The following CDH11 variants were observed in gnomAD, a reference collection of about 807,000 sequenced individuals.
The protein encoded by CDH11 is cadherin 11, also known as cadherin-11.
A neutral mutation model predicts 67.8 loss-of-function variants in CDH11; 11 were observed. That is an observed-to-expected ratio of 0.16 (90% CI 0.10 to 0.27). The LOEUF is 0.27. Ranked by LOEUF, CDH11 falls within the 10% of genes least tolerant of loss-of-function variation. CDH11 has a pLI of 1.00. For synonymous variants in CDH11, 419 were observed against 400.0 expected, an observed-to-expected ratio of 1.05 and a Z score of -0.57; for missense variants, 847 against 1,031.2, an observed-to-expected ratio of 0.82 and a Z score of 2.45.
intron 8 of CDH11, among the ~76,000 whole-genome samples, chr16:64,978,258 T>G (rs2072233670): frequency 6.6e-6 from 1 of 152,162 alleles, no homozygotes; most frequent in African/African-American, 2.4e-5. Context: ...TTGTTAGACA[T>G]CGAATTTGGG....
At chr16:64,971,897 T>G (rs770816733) in intron 10 of CDH11, 34 bp downstream of exon 10, 1 of 1,611,482 alleles carries the variant, frequency 6.2e-7, no homozygotes. Context: ...CCAAGTGCAT[T>G]GTTCCTAGCC....
intron 2 of CDH11, among the ~76,000 whole-genome samples, chr16:65,021,455 A>G (rs555787130): frequency 7.2e-5 from 11 of 152,168 alleles, no homozygotes; most frequent in Non-Finnish European, 2.9e-5. Flanking sequence ...AGAAGACAAA[A>G]GGGAGAAAAA....
At chr16:64,978,107 T>C (rs1320274580) in intron 8 of CDH11, among the ~76,000 whole-genome samples, 1 of 152,202 alleles carries the variant, frequency 6.6e-6, no homozygotes, top group Non-Finnish European at 1.5e-5. Flanking sequence ...CCCCAGTGTG[T>C]GCTCAATGAA....
At chr16:64,989,507 A>G (rs2072577449) in intron 6 of CDH11, among the ~76,000 whole-genome samples, 1 of 152,190 alleles carries the variant, frequency 6.6e-6, no homozygotes. Context: ...GCAGGATAAA[A>G]ACTACCAGCC....
At chr16:65,035,409 T>G (rs1180019828) in intron 2 of CDH11, among the ~76,000 whole-genome samples, 4 of 152,210 alleles carry the variant, frequency 2.6e-5, no homozygotes, top group Non-Finnish European at 4.4e-5. Flanking sequence ...AGTGGAAGTA[T>G]AGCCTGTCAC....
At chr16:64,964,643 G>A (rs1055868089) in intron 11 of CDH11, among the ~76,000 whole-genome samples, 24 of 152,052 alleles carry the variant, frequency 1.6e-4, no homozygotes, top group Non-Finnish European at 3.4e-4. Context: ...CCGCCTCCCG[G>A]GTTCACGTCA....
chr16:64,976,045 G>A (rs1349669014), intron 8 of CDH11, among the ~76,000 whole-genome samples: 2 of 152,112 alleles, frequency 1.3e-5, no homozygotes, highest in Non-Finnish European at 2.9e-5. Context: ...ATAATTACAA[G>A]ATCAAAAATA....
intron 1 of CDH11, among the ~76,000 whole-genome samples, chr16:65,096,109 T>C (rs193175443): frequency 3.5e-4 from 54 of 152,320 alleles, no homozygotes; most frequent in African/African-American, 1.2e-3. Flanking sequence ...TCAGATTGAA[T>C]ACATAATTCG....
chr16:65,115,501 A>C (rs1464462993), intron 1 of CDH11, among the ~76,000 whole-genome samples: 1 of 152,120 alleles, frequency 6.6e-6, no homozygotes, highest in South Asian at 2.1e-4. Context: ...CAACCCCAGC[A>C]CACACTGAAG....
At chr16:65,032,215 C>T (rs965400313) in intron 2 of CDH11, among the ~76,000 whole-genome samples, 2 of 151,382 alleles carry the variant, frequency 1.3e-5, no homozygotes, top group Admixed American at 6.6e-5. Flanking sequence ...AGAGTGGCAC[C>T]GTGGTTCATG....
intron 2 of CDH11, among the ~76,000 whole-genome samples, chr16:65,039,217 C>T (rs1029585647): frequency 6.6e-6 from 1 of 152,162 alleles, no homozygotes; most frequent in African/African-American, 2.4e-5. Flanking sequence ...TGTGTCTATT[C>T]TAATGAATTA....
At chr16:64,983,433 T>C (rs2072406774) in intron 7 of CDH11, among the ~76,000 whole-genome samples, 1 of 152,192 alleles carries the variant, frequency 6.6e-6, no homozygotes, top group South Asian at 2.1e-4. Flanking sequence ...ACCAAATGTT[T>C]GGAAAGAGTT....
chr16:64,995,314 G>A (rs185412258), intron 4 of CDH11, among the ~76,000 whole-genome samples: 1 of 152,170 alleles, frequency 6.6e-6, no homozygotes, highest in Admixed American at 6.5e-5. Flanking sequence ...AAAAAAGTTG[G>A]AGGAGTCACC....
chr16:65,017,339 T>C (rs1320816117), intron 2 of CDH11, among the ~76,000 whole-genome samples: 2 of 152,166 alleles, frequency 1.3e-5, no homozygotes, highest in Non-Finnish European at 2.9e-5. Context: ...CTAGGGTTTG[T>C]AGAGGGATGA....
intron 1 of CDH11, among the ~76,000 whole-genome samples, chr16:65,074,050 C>T (rs922301350): frequency 3.3e-5 from 5 of 152,116 alleles, no homozygotes; most frequent in African/African-American, 7.2e-5. Context: ...GACCCAGAGG[C>T]GGGGAACATT....
chr16:65,088,024 G>A (rs772911750), intron 1 of CDH11, among the ~76,000 whole-genome samples: 22 of 152,140 alleles, frequency 1.4e-4, no homozygotes, highest in Non-Finnish European at 2.6e-4. Context: ...TATTTATGTT[G>A]AAACCTAGTA....
intron 1 of CDH11, among the ~76,000 whole-genome samples, chr16:65,109,703 C>T (rs1449735488): frequency 2.0e-5 from 3 of 152,174 alleles, no homozygotes; most frequent in African/African-American, 4.8e-5. Flanking sequence ...TCCCACAGAA[C>T]TGGATGTGTC....
intron 2 of CDH11, among the ~76,000 whole-genome samples, chr16:65,027,831 T>C (rs7498207): frequency 0.91 from 137,817 of 152,206 alleles, 62,444 homozygotes; most frequent in East Asian, 1. Flanking sequence ...GATTTTTGTA[T>C]GCCTTTAGGT....
At chr16:65,024,610 T>C (rs1196858689) in intron 2 of CDH11, among the ~76,000 whole-genome samples, 1 of 152,206 alleles carries the variant, frequency 6.6e-6, no homozygotes, top group African/African-American at 2.4e-5. Context: ...ATTTCAATCA[T>C]TACAAAAAGT....
Sources: allele counts gnomAD v4.1 joint callset (sites outside exome capture counted in the v4.1 genomes callset), GRCh38; gene constraint gnomAD v4.1.1; transcripts MANE v1.5; gene names NCBI Gene and HGNC (gene_info 2026-07-23, HGNC 2026-07-21).